The following CAB39L variants were observed in gnomAD, a reference collection of about 807,000 sequenced individuals.
CAB39L encodes the protein calcium binding protein 39 like.
Under a neutral mutation model 39.1 loss-of-function variants are expected in CAB39L, and 23 were observed. That is an observed-to-expected ratio of 0.59 (90% CI 0.42 to 0.83). The LOEUF (loss-of-function observed/expected upper bound fraction) is 0.83, where lower values mean the gene tolerates loss of function less well. Ranked by LOEUF, CAB39L falls within the 40% of genes least tolerant of loss-of-function variation. The pLI is 0.00. For missense variants in CAB39L, 366 were observed against 391.9 expected, an observed-to-expected ratio of 0.93 and a Z score of 0.56; for synonymous variants, 126 against 137.2, an observed-to-expected ratio of 0.92 and a Z score of 0.57.
At chr13:49,346,700 G>A (rs764928645) in intron 7 of CAB39L, among the ~76,000 whole-genome samples, 7 of 152,028 alleles carry the variant, frequency 4.6e-5, no homozygotes, top group African/African-American at 7.3e-5. Flanking sequence ...TTGCAAATAC[G>A]GTTTCTGATC....
chr13:49,322,950 T>C (rs1593907313), intron 10 of CAB39L, among the ~76,000 whole-genome samples: 1 of 152,374 alleles, frequency 6.6e-6, no homozygotes, highest in East Asian at 1.9e-4. Flanking sequence ...ATGAAACATG[T>C]GCTCTGCCCT....
intron 3 of CAB39L, among the ~76,000 whole-genome samples, chr13:49,413,285 A>T (rs1957028109): frequency 1.3e-5 from 2 of 152,182 alleles, no homozygotes; most frequent in African/African-American, 4.8e-5. Flanking sequence ...GAGGAAAGAA[A>T]AGGAGTAAGT....
chr13:49,363,686 C>T (rs2138516046), intron 5 of CAB39L, among the ~76,000 whole-genome samples: 1 of 151,640 alleles, frequency 6.6e-6, no homozygotes, highest in South Asian at 2.1e-4. Flanking sequence ...GGACTAAAGT[C>T]TGCAATCAAA....
At chr13:49,318,092 A>AAAAAC (rs1954216240) in intron 10 of CAB39L, among the ~76,000 whole-genome samples, 1 of 152,126 alleles carries the variant, frequency 6.6e-6, no homozygotes, top group Non-Finnish European at 1.5e-5. Flanking sequence ...GGATGACTGC[A>AAAAAC]AAAACAAAAC....
intron 3 of CAB39L, among the ~76,000 whole-genome samples, chr13:49,401,799 T>A (rs931978610): frequency 6.6e-6 from 1 of 152,188 alleles, no homozygotes; most frequent in Non-Finnish European, 1.5e-5. Flanking sequence ...AAAAAAGTCA[T>A]GTTGATAGTA....
At chr13:49,368,033 T>TA (rs1206548270) in intron 5 of CAB39L, among the ~76,000 whole-genome samples, 1 of 152,234 alleles carries the variant, frequency 6.6e-6, no homozygotes, top group Non-Finnish European at 1.5e-5. Flanking sequence ...AAATTGATTT[T>TA]AAAATGAAAG....
At chr13:49,382,323 T>A (rs986938166) in intron 4 of CAB39L, among the ~76,000 whole-genome samples, 2 of 152,122 alleles carry the variant, frequency 1.3e-5, no homozygotes, top group African/African-American at 2.4e-5. Context: ...TGTATTTCTT[T>A]TATAGATATC....
chr13:49,363,881 A>G (rs1210656056), intron 5 of CAB39L, among the ~76,000 whole-genome samples: 1 of 152,028 alleles, frequency 6.6e-6, no homozygotes, highest in Non-Finnish European at 1.5e-5. Flanking sequence ...ATGGATGAAA[A>G]AAAAACAAGA....
intron 10 of CAB39L, among the ~76,000 whole-genome samples, chr13:49,324,419 G>A (rs536948713): frequency 7.1e-4 from 108 of 152,294 alleles, no homozygotes; most frequent in African/African-American, 2.4e-3. Context: ...TAGCCACTAT[G>A]TGCCAAAAAC....
intron 6 of CAB39L, among the ~76,000 whole-genome samples, chr13:49,353,394 G>C (rs1955408237): frequency 6.6e-6 from 1 of 152,160 alleles, no homozygotes. Flanking sequence ...GAATCTAAGG[G>C]AAGGACAATT....
intron 3 of CAB39L, among the ~76,000 whole-genome samples, chr13:49,390,581 G>T (rs994630341): frequency 2.0e-5 from 3 of 152,052 alleles, no homozygotes; most frequent in African/African-American, 7.2e-5. Context: ...AACCCTGGGG[G>T]GGATGGTAAA....
rs1043313395 is a variant in CAB39L, at chr13:49,377,071, C to A, written c.172G>T (p.Glu58Ter). 1.2e-6 allele frequency: 2 copies of A among 1,613,588 alleles called. No homozygotes were observed. The highest frequency in any genetic ancestry group is 2.2e-5 in the East Asian group (1 of 44,890). The change falls in exon 5 of 11, where the codon GAG (glutamate) becomes TAG (stop). Residue 58 changes from glutamate to a stop codon, truncating the protein, a stop_gained. Transcript: ENST00000409308. LOFTEE classifies it high-confidence loss of function. Reference sequence around the variant, plus strand: ...ACTGCTTCTGTTGGGGGTTCTTTCTCGTTTGTACCACACAGAATTTCTTTC... The same window carrying A: ...ACTGCTTCTGTTGGGGGTTCTTTCTAGTTTGTACCACACAGAATTTCTTTC... ...AMKEILCGTN[E>*]KEPPTEAVAQ... is the part of the protein sequence containing the mutation.
At chr13:49,429,236 C>A (rs1421931512) in intron 3 of CAB39L, among the ~76,000 whole-genome samples, 1 of 152,138 alleles carries the variant, frequency 6.6e-6, no homozygotes, top group Non-Finnish European at 1.5e-5. Flanking sequence ...GCTGGCCCTA[C>A]AGGCATGCCA....
At chr13:49,423,121 C>T (rs1957194525) in intron 3 of CAB39L, among the ~76,000 whole-genome samples, 2 of 152,168 alleles carry the variant, frequency 1.3e-5, no homozygotes, top group African/African-American at 2.4e-5. Flanking sequence ...AAGGACTATA[C>T]CATAGATCAT....
intron 3 of CAB39L, among the ~76,000 whole-genome samples, chr13:49,408,249 A>T (rs1209574464): frequency 6.6e-6 from 1 of 152,238 alleles, no homozygotes; most frequent in Non-Finnish European, 1.5e-5. Context: ...AGGCATTCCC[A>T]TGCCTGTGTG....
intron 7 of CAB39L, among the ~76,000 whole-genome samples, chr13:49,348,404 C>A (rs1002838262): frequency 2.6e-5 from 4 of 152,132 alleles, no homozygotes; most frequent in African/African-American, 9.7e-5. Context: ...CCCCTCTCTA[C>A]TAAAAATGCA....
At chr13:49,364,142 C>T (rs2138517747) in intron 5 of CAB39L, among the ~76,000 whole-genome samples, 1 of 152,228 alleles carries the variant, frequency 6.6e-6, no homozygotes, top group South Asian at 2.1e-4. Flanking sequence ...AATATATATG[C>T]ACCAAACACT....
chr13:49,312,940 C>T (rs1215154136), intron 10 of CAB39L, among the ~76,000 whole-genome samples: 1 of 152,156 alleles, frequency 6.6e-6, no homozygotes, highest in Non-Finnish European at 1.5e-5. Flanking sequence ...CCCCTCCCAC[C>T]TCCAGCAGTG....
chr13:49,426,995 A>C (rs930781833), intron 3 of CAB39L, among the ~76,000 whole-genome samples: 2 of 152,186 alleles, frequency 1.3e-5, no homozygotes, highest in Non-Finnish European at 2.9e-5. Flanking sequence ...ACATGGTCAA[A>C]ACTATCAAGT....
Sources: gnomAD v4.1 joint callset for allele counts (sites outside exome capture counted in the v4.1 genomes callset) on GRCh38, gnomAD v4.1.1 for gene constraint, MANE v1.5 for transcripts, NCBI Gene and HGNC (gene_info 2026-07-23, HGNC 2026-07-21) for gene names.